Variants in RBM19 observed in about 807,000 individuals in gnomAD.
RBM19 encodes the protein RNA binding motif protein 19.
A neutral mutation model predicts 116.8 loss-of-function variants in RBM19; 94 were observed. The observed-to-expected ratio is 0.80, with a 90% CI of 0.68 to 0.95. The LOEUF is 0.95. Ranked by LOEUF, RBM19 falls within the 40% of genes least tolerant of loss-of-function variation. RBM19 has a pLI of 0.00. For missense variants in RBM19, 1,161 were observed against 1,220.7 expected (o/e 0.95, Z 0.73); for synonymous variants, 475 against 494.1 (o/e 0.96, Z 0.51).
intron 23 of RBM19, among the ~76,000 whole-genome samples, chr12:113,841,537 C>T (rs1876475465): frequency 6.6e-6 from 1 of 151,586 alleles, no homozygotes; most frequent in African/African-American, 2.4e-5. Context: ...GCTTCTCCTG[C>T]CTCAGCCTCC....
chr12:113,928,281 G>A (rs547567492), intron 16 of RBM19, among the ~76,000 whole-genome samples: 6 of 152,256 alleles, frequency 3.9e-5, no homozygotes, highest in Admixed American at 3.3e-4. Context: ...AGGTTGCAGT[G>A]AGCTGAGATC....
intron 18 of RBM19, among the ~76,000 whole-genome samples, chr12:113,923,572 C>T (rs906855909): frequency 6.6e-6 from 1 of 152,202 alleles, no homozygotes; most frequent in African/African-American, 2.4e-5. Flanking sequence ...ATAAAAGCCA[C>T]TTCATGGTTT....
At chr12:113,880,980 C>T (rs1880074058) in intron 21 of RBM19, among the ~76,000 whole-genome samples, 1 of 152,212 alleles carries the variant, frequency 6.6e-6, no homozygotes, top group Non-Finnish European at 1.5e-5. Flanking sequence ...GTCCCTTAGT[C>T]TGCAAACGCG....
rs1874510549 is a variant in RBM19 at position 113,822,722 on chromosome 12, A to T, written c.*502T>A. ...GCATTACTGCGTTTATTTCTCTCTAAAACCTTATGAAGTAAGAACTAGCTA... is the reference window on the plus strand; with the variant it reads ...GCATTACTGCGTTTATTTCTCTCTATAACCTTATGAAGTAAGAACTAGCTA... On this transcript the variant is annotated 3_prime_UTR_variant, in exon 24 of 24. Coordinates refer to ENST00000261741, the MANE Select transcript of RBM19 (RefSeq NM_016196.4). 1 of 157,346 alleles carries T rather than the reference A, an allele frequency of 6.4e-6. No individual in the cohort carries two copies. The highest frequency in any genetic ancestry group is 1.4e-5 in the Non-Finnish European group (1 of 71,666). The allele number at this position is 157,346 out of a possible 1,614,324, so 9.7% of individuals were successfully genotyped here. A position where few individuals can be genotyped will look rare whatever the true frequency, so the allele number is the denominator to read the frequency against.
intron 1 of RBM19, 151 bp from the exon 2 acceptor site, chr12:113,962,565 A>T: frequency 1.4e-6 from 1 of 729,704 alleles, no homozygotes; most frequent in South Asian, 1.9e-5. Flanking sequence ...AACAGGTTCC[A>T]GCTCTGACTC....
chr12:113,936,927 GA>G, intron 16 of RBM19, 79 bp downstream of exon 16: 1 of 1,533,736 alleles, frequency 6.5e-7, no homozygotes, highest in Non-Finnish European at 8.8e-7. Context: ...GGCTTGATAA[GA>G]AACTTCACGC....
intron 23 of RBM19, among the ~76,000 whole-genome samples, chr12:113,824,473 C>T (rs1874688676): frequency 1.3e-5 from 2 of 152,132 alleles, no homozygotes; most frequent in African/African-American, 2.4e-5. Flanking sequence ...CGATGAGCAG[C>T]CTTGCTCACA....
At chr12:113,949,888 C>T (rs1459462831) in intron 9 of RBM19, among the ~76,000 whole-genome samples, 195 bp downstream of exon 9, 4 of 152,178 alleles carry the variant, frequency 2.6e-5, no homozygotes, top group Non-Finnish European at 4.4e-5. Flanking sequence ...AGTCAGTTTA[C>T]TCTCTGTCAG....
intron 14 of RBM19, among the ~76,000 whole-genome samples, chr12:113,941,339 T>C (rs1870551274): frequency 1.3e-5 from 2 of 152,202 alleles, no homozygotes; most frequent in Admixed American, 1.3e-4. Context: ...AGAAGGCCTG[T>C]GTTCAAACTC....
In RBM19 at chr12:113,903,971, G is replaced by A. The variant is rs1209914152; in HGVS notation, c.2558+10998C>T. 6.6e-6 allele frequency among the ~76,000 whole-genome samples: 1 copy of A among 152,220 alleles called. No individual in the cohort carries two copies. The highest frequency in any genetic ancestry group is 1.5e-5 in the Non-Finnish European group (1 of 68,034). ...GAGCTACATCCCACAGCTGGTTAAT[G>A]TGAACCCTGGAGTCCACTAAGAACT... On this transcript the variant is annotated intron_variant, in intron 21 of 23. Transcript: ENST00000261741. The surrounding 1 kb of genome is among the most constrained non-coding windows in gnomAD (Gnocchi z 5.1).
At chr12:113,837,514 T>C (rs548291589) in intron 23 of RBM19, among the ~76,000 whole-genome samples, 1 of 152,348 alleles carries the variant, frequency 6.6e-6, no homozygotes, top group South Asian at 2.1e-4. Flanking sequence ...TTTACAGGCA[T>C]CCTTCCCTTG....
intron 18 of RBM19, among the ~76,000 whole-genome samples, chr12:113,921,096 G>A (rs1868520392): frequency 1.3e-5 from 2 of 152,154 alleles, no homozygotes; most frequent in South Asian, 2.1e-4. Flanking sequence ...ACGCACCAAA[G>A]GCTTGCTCTT....
chr12:113,944,983 A>G (rs1314693939), intron 13 of RBM19, among the ~76,000 whole-genome samples: 2 of 152,202 alleles, frequency 1.3e-5, no homozygotes, highest in African/African-American at 4.8e-5. Flanking sequence ...TCCAAAGTAG[A>G]AAGAATACAA....
Position 113,840,018 on chromosome 12 carries a change from T to C in RBM19, c.2785+4650A>G, listed in dbSNP as rs546160852. On this transcript the variant is annotated intron_variant, in intron 23 of 23. Coordinates refer to ENST00000261741, the MANE Select transcript of RBM19 (RefSeq NM_016196.4). Reference sequence around the variant, plus strand: ...AGACACAAACGCAATTACCAGGCATTCCCAGTCCCTCTGAGGCCAGCCATA... The same window carrying C: ...AGACACAAACGCAATTACCAGGCATCCCCAGTCCCTCTGAGGCCAGCCATA... 1.1e-4 allele frequency among the ~76,000 whole-genome samples: 16 copies of C among 151,474 alleles called. No individual in the cohort carries two copies. In the East Asian group the frequency reaches 2.9e-3, roughly 28 times the overall value.
At chr12:113,843,861 T>C (rs1876716682) in intron 23 of RBM19, among the ~76,000 whole-genome samples, 1 of 152,202 alleles carries the variant, frequency 6.6e-6, no homozygotes, top group African/African-American at 2.4e-5. Context: ...TCCCCTCACC[T>C]CCAGCCATGC....
chr12:113,847,990 C>T (rs1243755962), intron 22 of RBM19, among the ~76,000 whole-genome samples: 1 of 152,188 alleles, frequency 6.6e-6, no homozygotes, highest in Non-Finnish European at 1.5e-5. Flanking sequence ...AGAGGGTGGG[C>T]TCTGCTGCTG....
intron 21 of RBM19, among the ~76,000 whole-genome samples, chr12:113,901,531 CAG>C (rs1327334341): frequency 2.7e-5 from 4 of 147,350 alleles, no homozygotes; most frequent in Non-Finnish European, 1.5e-5. Flanking sequence ...TCATTCGAGA[CAG>C]AGTCTTGCTC....
chr12:113,907,645 G>T (rs1882159272), intron 21 of RBM19, among the ~76,000 whole-genome samples: 1 of 152,074 alleles, frequency 6.6e-6, no homozygotes. Flanking sequence ...GTTTTATAAG[G>T]GGAGGAAAAA....
intron 14 of RBM19, among the ~76,000 whole-genome samples, chr12:113,942,015 G>A (rs1258832692): frequency 1.3e-5 from 2 of 152,122 alleles, no homozygotes; most frequent in Admixed American, 6.5e-5. Context: ...CAAAGTCCCC[G>A]AACAGATAAC....
Sources: gnomAD v4.1 joint callset for allele counts (sites outside exome capture counted in the v4.1 genomes callset) on GRCh38, gnomAD v4.1.1 for gene constraint, Gnocchi (gnomAD v3.1) non-coding constraint, MANE v1.5 for transcripts, NCBI Gene and HGNC (gene_info 2026-07-23, HGNC 2026-07-21) for gene names.